RIN2: variants seen among roughly 807,000 people sequenced by gnomAD.
RIN2 encodes RAB5 interacting protein 2.
RIN2 carries 36 observed loss-of-function variants against 78.0 expected under a neutral mutation model. The observed-to-expected ratio is 0.46, with a 90% CI of 0.35 to 0.61. The LOEUF is 0.61. Ranked by LOEUF, RIN2 falls within the 20% of genes least tolerant of loss-of-function variation. RIN2 has a pLI of 0.00. For synonymous variants in RIN2, 466 were observed against 466.8 expected (o/e 1.00, Z 0.02); for missense variants, 1,087 against 1,159.7 (o/e 0.94, Z 0.91).
chr20:19,880,199 C>A (rs867774809), intron 2 of RIN2, among the ~76,000 whole-genome samples: 2 of 149,132 alleles, frequency 1.3e-5, no homozygotes, highest in African/African-American at 2.5e-5. Flanking sequence ...TGCAGTGAGC[C>A]GAGATCATGC....
At chr20:19,769,684 A>G (rs2034038255) in intron 1 of RIN2, among the ~76,000 whole-genome samples, 1 of 152,230 alleles carries the variant, frequency 6.6e-6, no homozygotes, top group Non-Finnish European at 1.5e-5. Context: ...TAAGAATTCC[A>G]TGTGTTTGCT....
At chr20:19,853,056 C>G in intron 2 of RIN2, among the ~76,000 whole-genome samples, 1 of 142,724 alleles carries the variant, frequency 7.0e-6, no homozygotes, top group Non-Finnish European at 1.5e-5. Flanking sequence ...TGACAGGCCC[C>G]AGTGTGTGAT....
intron 2 of RIN2, among the ~76,000 whole-genome samples, chr20:19,866,106 G>A (rs2037497789): frequency 6.6e-6 from 1 of 152,076 alleles, no homozygotes; most frequent in African/African-American, 2.4e-5. Flanking sequence ...CCTGCAACTA[G>A]ATGGTCCCAT....
chr20:19,790,477 C>T (rs951849045), intron 1 of RIN2, among the ~76,000 whole-genome samples: 4 of 152,104 alleles, frequency 2.6e-5, no homozygotes, highest in African/African-American at 9.7e-5. Context: ...TTGGATTTTT[C>T]AAGTTGGGCT....
At chr20:19,966,801 G>A (rs1308468575) in intron 7 of RIN2, among the ~76,000 whole-genome samples, 2 of 152,178 alleles carry the variant, frequency 1.3e-5, no homozygotes, top group Non-Finnish European at 2.9e-5. Flanking sequence ...CCAAGAGGAT[G>A]CAACCTGCCT....
chr20:19,939,725 T>A (rs2040787369), intron 4 of RIN2, among the ~76,000 whole-genome samples: 1 of 152,138 alleles, frequency 6.6e-6, no homozygotes, highest in Admixed American at 6.5e-5. Context: ...GTCTGGCACA[T>A]CCTTCCCCCA....
intron 10 of RIN2, 69 bp from the exon 11 acceptor site, chr20:19,992,099 C>G (rs1364282001): frequency 1.3e-6 from 2 of 1,550,676 alleles, no homozygotes; most frequent in East Asian, 4.6e-5. Context: ...CTAATAAAAG[C>G]AGCAAGAAGG....
intron 5 of RIN2, among the ~76,000 whole-genome samples, chr20:19,958,235 T>C (rs2041619019): frequency 6.6e-6 from 1 of 152,252 alleles, no homozygotes; most frequent in South Asian, 2.1e-4. Context: ...AGAGAATCCC[T>C]TGGCCATAAC....
intron 3 of RIN2, among the ~76,000 whole-genome samples, chr20:19,914,695 C>T (rs191894844): frequency 3.5e-4 from 54 of 152,268 alleles, no homozygotes; most frequent in African/African-American, 1.2e-3. Context: ...GTGGTCTGCC[C>T]GTCAGCCATG....
At chr20:19,811,086 G>A (rs564787549) in intron 2 of RIN2, among the ~76,000 whole-genome samples, 1 of 151,926 alleles carries the variant, frequency 6.6e-6, no homozygotes, top group African/African-American at 2.4e-5. Context: ...AGTACCAGAT[G>A]TATAAACCAA....
chr20:19,925,131 A>G (rs2040177287), intron 3 of RIN2, among the ~76,000 whole-genome samples: 1 of 150,062 alleles, frequency 6.7e-6, no homozygotes, highest in Non-Finnish European at 1.5e-5. Context: ...CTCTGGGCAC[A>G]TTCCTTAGCC....
Position 19,766,644 on chromosome 20 carries a change from G to C in RIN2, c.-163+8317G>C, listed in dbSNP as rs190958353. On this transcript the variant is annotated intron_variant, in intron 1 of 12. Coordinates refer to ENST00000255006, the MANE Select transcript of RIN2 (RefSeq NM_018993.4). ...AGTACAAAGAGTGAGAAATAAGCTGGGTGTGATGGCTCACACCTGTAATCC... is the reference window on the plus strand; with the variant it reads ...AGTACAAAGAGTGAGAAATAAGCTGCGTGTGATGGCTCACACCTGTAATCC... Among the ~76,000 whole-genome samples the C allele has an allele frequency of 2.4e-3, 366 of 152,168 alleles. 1 individual carries two copies. Among genetic ancestry groups the C allele is most frequent in the African/African-American group, 8.6e-3 (355 of 41,508 alleles).
intron 2 of RIN2, among the ~76,000 whole-genome samples, chr20:19,866,770 A>G (rs1023381581): frequency 1.3e-5 from 2 of 152,006 alleles, no homozygotes; most frequent in Admixed American, 6.6e-5. Context: ...GATTACAGGC[A>G]GGCACCACCA....
intron 9 of RIN2, among the ~76,000 whole-genome samples, chr20:19,985,567 A>G (rs2042595138): frequency 6.6e-6 from 1 of 152,156 alleles, no homozygotes; most frequent in Admixed American, 6.6e-5. Context: ...TTGTTACTAG[A>G]AAAATAGAAA....
At chr20:19,838,661 G>A (rs6046356) in intron 2 of RIN2, among the ~76,000 whole-genome samples, 2 of 151,986 alleles carry the variant, frequency 1.3e-5, no homozygotes, top group Non-Finnish European at 2.9e-5. Flanking sequence ...TCTCTTTCCC[G>A]CATGGCTACA....
intron 2 of RIN2, among the ~76,000 whole-genome samples, chr20:19,888,741 G>A (rs1054733263): frequency 2.6e-5 from 4 of 152,228 alleles, no homozygotes; most frequent in African/African-American, 9.6e-5. Context: ...GCTCCCCCAG[G>A]CCCCCCTCAA....
Position 19,957,680 on chromosome 20 carries a change from CA to C in RIN2, c.351+884del, listed in dbSNP as rs556316406. Among the ~76,000 whole-genome samples the C allele has an allele frequency of 3.0e-4, 44 of 146,970 alleles. No homozygotes were observed. The South Asian group carries it at 4.9e-3, about 17-fold the overall frequency. ...CGACAGAGCAAGAATCTGTCCCCCC[CA>C]AAAAAAAAAAGTGATTGGTATCTCT... On this transcript the variant is annotated intron_variant, in intron 5 of 12. Transcript: ENST00000255006.
intron 1 of RIN2, among the ~76,000 whole-genome samples, chr20:19,794,783 C>G (rs757859370): frequency 2.6e-5 from 4 of 151,960 alleles, no homozygotes; most frequent in Non-Finnish European, 4.4e-5. Context: ...ATGAGAACAG[C>G]GACTCAGGAT....
chr20:19,935,832 A>T (rs2040617741), intron 4 of RIN2, among the ~76,000 whole-genome samples: 1 of 152,110 alleles, frequency 6.6e-6, no homozygotes, highest in African/African-American at 2.4e-5. Flanking sequence ...TGGGAAGTTG[A>T]AGGTGACTTC....
Sources: allele counts gnomAD v4.1 joint callset (sites outside exome capture counted in the v4.1 genomes callset), GRCh38; gene constraint gnomAD v4.1.1; transcripts MANE v1.5; gene names NCBI Gene and HGNC (gene_info 2026-07-23, HGNC 2026-07-21).